LAMB3: variants seen among roughly 807,000 people sequenced by gnomAD.
LAMB3 encodes laminin subunit beta 3, also known as laminin subunit beta-3.
Under a neutral mutation model 140.3 loss-of-function variants are expected in LAMB3, and 104 were observed. The ratio of observed to expected loss-of-function variants is 0.74; its 90% CI spans 0.63 to 0.87. LAMB3 has a LOEUF of 0.87. Among genes scored for constraint, LAMB3 ranks in the 40% least tolerant of loss-of-function variants. LAMB3 has a pLI of 0.00. For synonymous variants in LAMB3, 592 were observed against 602.9 expected (o/e 0.98, Z 0.26); for missense variants, 1,531 against 1,575.2 (o/e 0.97, Z 0.47).
chr1:209,640,807 C>T (rs567997857), intron 3 of LAMB3, among the ~76,000 whole-genome samples: 8 of 151,676 alleles, frequency 5.3e-5, no homozygotes, highest in South Asian at 4.2e-4. Context: ...ACAGGCCAGG[C>T]GCGGTGGCTC....
chr1:209,624,039 G>A (rs748413730), intron 14 of LAMB3, 39 bp from the exon 15 acceptor site: 26 of 1,585,242 alleles, frequency 1.6e-5, no homozygotes, highest in Non-Finnish European at 2.1e-5. Context: ...ATATAGGAGG[G>A]AGTTTTGCCT....
At position 209,626,980 on chromosome 1, in the gene LAMB3, T is replaced by C. The variant is rs1462216086; in HGVS notation, c.1486-2A>G. 6.2e-7 allele frequency: 1 copy of C among 1,605,354 alleles called. No homozygotes were observed. Among genetic ancestry groups the C allele is most frequent in the African/African-American group, 1.3e-5 (1 of 74,838 alleles). ...CCGACAGGGGCACTGCCCTGTGAAC[T>C]GCGTGGGGAGAGCACCGTCAGTGGA... On this transcript the variant is annotated splice_acceptor_variant, in intron 12 of 22. Coordinates refer to ENST00000356082, the MANE Select transcript of LAMB3 (RefSeq NM_000228.3). LOFTEE classifies it high-confidence loss of function.
intron 21 of LAMB3, among the ~76,000 whole-genome samples, chr1:209,617,103 C>A (rs927115567): frequency 6.6e-6 from 1 of 152,200 alleles, no homozygotes; most frequent in Non-Finnish European, 1.5e-5. Context: ...GAGACAAGCT[C>A]TGGATCCAGT....
chr1:209,615,137 C>A lies in LAMB3; in HGVS notation c.*134G>T. ...GCTCAGGGTAATCTTACTAGCTACA[C>A]ACCAGGGGTGGTCCAGGCTGTACTT... On this transcript the variant is annotated 3_prime_UTR_variant, in exon 23 of 23. Coordinates refer to ENST00000356082, the MANE Select transcript of LAMB3 (RefSeq NM_000228.3). 3.6e-6 allele frequency: 4 copies of A among 1,108,192 alleles called. No individual in the cohort carries two copies. Among genetic ancestry groups the A allele is most frequent in the Non-Finnish European group, 5.3e-6 (4 of 753,474 alleles). 68.6% of individuals were successfully genotyped at this position (1,108,192 alleles called of 1,614,324 possible).
chr1:209,640,526 C>T (rs963179515), intron 3 of LAMB3, among the ~76,000 whole-genome samples: 17 of 151,204 alleles, frequency 1.1e-4, no homozygotes, highest in East Asian at 3.9e-4. Context: ...CCAGCCTAGG[C>T]GACAGAGCGA....
chr1:209,636,994 C>T (rs76999962), intron 5 of LAMB3, among the ~76,000 whole-genome samples: 2,104 of 152,300 alleles, frequency 0.014, 52 homozygotes, highest in African/African-American at 0.048. Context: ...AATCAGTGTT[C>T]AATAAGCGCT....
chr1:209,619,638 A>G (rs1009082278), intron 18 of LAMB3, among the ~76,000 whole-genome samples: 1 of 152,226 alleles, frequency 6.6e-6, no homozygotes, highest in Admixed American at 6.5e-5. Flanking sequence ...CAGAGATGAC[A>G]TCTCCTCCCC....
intron 2 of LAMB3, among the ~76,000 whole-genome samples, 181 bp downstream of exon 2, chr1:209,650,736 C>A (rs1344041527): frequency 2.0e-5 from 3 of 152,238 alleles, no homozygotes; most frequent in Non-Finnish European, 4.4e-5. Flanking sequence ...AGAGAAACTT[C>A]TTCCCCAAAG....
chr1:209,648,566 G>A (rs1444702898), intron 3 of LAMB3, among the ~76,000 whole-genome samples: 1 of 152,206 alleles, frequency 6.6e-6, no homozygotes, highest in South Asian at 2.1e-4. Context: ...GGGCTACTTA[G>A]GAGCAGAGAA....
rs370149182 is a variant in LAMB3, at chr1:209,622,962, C to T, written c.2556+20G>A. The T allele has an allele frequency of 6.2e-7, 1 of 1,612,020 alleles. No individual in the cohort carries two copies. The highest frequency in any genetic ancestry group is 8.5e-7 in the Non-Finnish European group (1 of 1,179,680). ...TCTGCCTCCTCCTACCTGTGCCCAC[C>T]CCGCCTCGGCTGCACTTACCATCTG... On this transcript the variant is annotated intron_variant, in intron 17 of 22. Coordinates refer to ENST00000356082, the MANE Select transcript of LAMB3 (RefSeq NM_000228.3).
chr1:209,626,800 C>T (rs1475244523), intron 13 of LAMB3, 67 bp downstream of exon 13: 2 of 1,175,354 alleles, frequency 1.7e-6, no homozygotes, highest in East Asian at 2.4e-5. Context: ...CTACACGCCC[C>T]CACCATGTGC....
Position 209,623,148 on chromosome 1 carries a change from G to C in LAMB3, c.2390C>G (p.Thr797Ser). The C allele has an allele frequency of 6.2e-7, 1 of 1,614,226 alleles. No homozygotes were observed. The highest frequency in any genetic ancestry group is 8.5e-7 in the Non-Finnish European group (1 of 1,180,050). ...TAGCTCACCAGGGCATGATATTGGG[G>C]TGCAAGCCATCTGCCTGGAGTTGCC... is the stretch of plus-strand genomic sequence containing the variant. ...LCGNSRQMAC[T>S]PISCPGELCP... The change falls in exon 17 of 23, where the codon ACC (threonine) becomes AGC (serine). Residue 797 changes from threonine to serine, a missense_variant. Transcript: ENST00000356082. The surrounding 1 kb of genome is among the most constrained non-coding windows in gnomAD (Gnocchi z 4.2).
chr1:209,617,362 C>A (rs41274828), intron 21 of LAMB3, 48 bp downstream of exon 21: 9 of 1,580,546 alleles, frequency 5.7e-6, no homozygotes, highest in South Asian at 3.3e-5. Context: ...CTGCTCAGGA[C>A]CCCCTCACTG....
chr1:209,615,491 A>G, intron 22 of LAMB3, 84 bp from the exon 23 acceptor site: 2 of 1,453,926 alleles, frequency 1.4e-6, no homozygotes, highest in South Asian at 1.3e-5. Flanking sequence ...CCTCCTGCTA[A>G]CTGGAGGTAG....
rs1278984475 is a variant in LAMB3 at position 209,637,926 on chromosome 1, T to A, written c.354A>T (p.Glu118Asp). The change falls in exon 5 of 23, where the codon GAA becomes GAT. Residue 118 changes from glutamate to aspartate, a missense_variant. Physicochemically the swap from Glu to Asp is conservative, Grantham distance 45. Transcript: ENST00000356082. Reference sequence around the variant, plus strand: ...GGCACACCTGGAACTCCATCATGACTTCTTGAAGCTGGAATCTCCTGTCCA... The same window carrying A: ...GGCACACCTGGAACTCCATCATGACATCTTGAAGCTGGAATCTCCTGTCCA... ...LDLDRRFQLQ[E>D]VMMEFQGPMP... The A allele has an allele frequency of 1.9e-6, 3 of 1,613,136 alleles. No individual in the cohort carries two copies. The highest frequency in any genetic ancestry group is 1.7e-5 in the Admixed American group (1 of 59,868).
At chr1:209,641,665 A>G (rs900264789) in intron 3 of LAMB3, among the ~76,000 whole-genome samples, 2 of 152,200 alleles carry the variant, frequency 1.3e-5, no homozygotes, top group Non-Finnish European at 2.9e-5. Context: ...TAAGGCAGAG[A>G]GAGCACTTTG....
chr1:209,618,218 G>A (rs1206587699), intron 19 of LAMB3, among the ~76,000 whole-genome samples, 170 bp from the exon 20 acceptor site: 1 of 152,202 alleles, frequency 6.6e-6, no homozygotes, highest in Non-Finnish European at 1.5e-5. Context: ...CCAAGCAGAC[G>A]TGATGAATGT....
chr1:209,626,843 G>T, intron 13 of LAMB3, 24 bp downstream of exon 13: 2 of 1,584,072 alleles, frequency 1.3e-6, no homozygotes, highest in Non-Finnish European at 1.7e-6. Context: ...GAGCCTCAGC[G>T]TCCCCCAGGC....
intron 12 of LAMB3, 85 bp downstream of exon 12, chr1:209,627,298 G>A: frequency 8.7e-7 from 1 of 1,149,594 alleles, no homozygotes; most frequent in Non-Finnish European, 1.3e-6. Flanking sequence ...AGGCCTAGAA[G>A]GGCAGCATGG....
Sources: allele counts gnomAD v4.1 joint callset (sites outside exome capture counted in the v4.1 genomes callset), GRCh38; gene constraint gnomAD v4.1.1; non-coding constraint Gnocchi (gnomAD v3.1); transcripts MANE v1.5; gene names NCBI Gene and HGNC (gene_info 2026-07-23, HGNC 2026-07-21).